The following AFF1 variants were observed in gnomAD, a reference collection of about 807,000 sequenced individuals.
The protein encoded by AFF1 is ALF transcription elongation factor 1.
AFF1 carries 48 observed loss-of-function variants against 121.7 expected under a neutral mutation model. The ratio of observed to expected loss-of-function variants is 0.39; its 90% CI spans 0.31 to 0.50. AFF1 has a LOEUF of 0.50. AFF1 is among the 20% of genes least tolerant of loss of function. The probability of loss-of-function intolerance (pLI) is 0.76; values close to 1 mark genes in which losing one functional copy is unlikely to be tolerated. For synonymous variants in AFF1, 613 were observed against 563.0 expected (o/e 1.09, Z -1.26); for missense variants, 1,523 against 1,511.7 (o/e 1.01, Z -0.12).
intron 1 of AFF1, among the ~76,000 whole-genome samples, chr4:86,947,012 G>C (rs1173218172): frequency 6.6e-6 from 1 of 152,160 alleles, no homozygotes; most frequent in African/African-American, 2.4e-5. Context: ...CACTTACTGT[G>C]TGCCAGCCCT....
intron 2 of AFF1, among the ~76,000 whole-genome samples, chr4:86,994,611 A>C (rs906824556): frequency 2.3e-4 from 35 of 152,306 alleles, no homozygotes; most frequent in African/African-American, 7.7e-4. Context: ...CAAACAAGCA[A>C]ACACTCCCCT....
At chr4:87,112,725 C>T (rs961252758) in intron 11 of AFF1, among the ~76,000 whole-genome samples, 5 of 152,208 alleles carry the variant, frequency 3.3e-5, no homozygotes, top group Non-Finnish European at 5.9e-5. Flanking sequence ...GAGTGTTCTC[C>T]TTATCTATAA....
At position 87,047,194 on chromosome 4, in the gene AFF1, C is replaced by T. The variant is rs1183891798; in HGVS notation, c.659C>T (p.Pro220Leu). Residue 220 changes from proline (P) to leucine (L), a missense_variant, in exon 4 of 21, where the codon CCT (proline) becomes CTT (leucine). Physicochemically the swap from Pro to Leu is moderately conservative, Grantham distance 98. This residue lies in a region of AFF1 where 369 missense variants were observed against 367.2 expected (regional missense o/e 1.00). Coordinates refer to ENST00000395146, the MANE Select transcript of AFF1 (RefSeq NM_001166693.3). ...CCTTCCCCAGTTCCCCCTTTGTCAC[C>T]TATACATTCCAACCAGCAAACTCTT... The part of the protein sequence containing the change: ...SLPSPVPPLS[P>L]IHSNQQTLPR... 1 of 1,614,054 alleles carries T rather than the reference C, an allele frequency of 6.2e-7. No individual in the cohort carries two copies. Among genetic ancestry groups the T allele is most frequent in the Non-Finnish European group, 8.5e-7 (1 of 1,180,034 alleles).
In AFF1 at chr4:87,046,744, A is replaced by G; in HGVS notation, c.209A>G (p.Asn70Ser). The G allele has an allele frequency of 6.2e-7, 1 of 1,614,206 alleles. No homozygotes were observed. Among genetic ancestry groups the G allele is most frequent in the Non-Finnish European group, 8.5e-7 (1 of 1,180,028 alleles). Residue 70 changes from asparagine to serine, a missense_variant, in exon 4 of 21, where the codon AAC becomes AGC. Transcript: ENST00000395146. ...AGTCGAATACAGAACATGTTGGGAA[A>G]CTACGAAGAAGTGAAGGAGTTCCTT... The part of the protein sequence containing the change: ...LSSRIQNMLG[N>S]YEEVKEFLST...
chr4:86,953,838 G>A (rs1721551545), intron 2 of AFF1, among the ~76,000 whole-genome samples: 1 of 150,276 alleles, frequency 6.7e-6, no homozygotes, highest in African/African-American at 2.4e-5. Flanking sequence ...TCCTGCTTCA[G>A]CCTCCCGAGT....
intron 4 of AFF1, among the ~76,000 whole-genome samples, chr4:87,078,282 T>TG (rs1240439984): frequency 3.3e-5 from 5 of 152,204 alleles, no homozygotes; most frequent in Admixed American, 1.3e-4. Context: ...ATTAAGGTGT[T>TG]GCTTTATAAT....
At chr4:87,122,419 T>G (rs150980383) in intron 12 of AFF1, among the ~76,000 whole-genome samples, 1,582 of 152,300 alleles carry the variant, frequency 0.01, 20 homozygotes, top group African/African-American at 0.036. Flanking sequence ...GAACGGAGGT[T>G]TGTATGCTGC....
At chr4:87,080,578 G>C (rs1286482940) in intron 4 of AFF1, among the ~76,000 whole-genome samples, 2 of 152,214 alleles carry the variant, frequency 1.3e-5, no homozygotes, top group African/African-American at 2.4e-5. Flanking sequence ...CACACCTGTA[G>C]TTCCAGCTAC....
At chr4:87,064,502 G>T (rs1338291133) in intron 4 of AFF1, among the ~76,000 whole-genome samples, 2 of 152,322 alleles carry the variant, frequency 1.3e-5, no homozygotes, top group African/African-American at 4.8e-5. Context: ...AACACTTTGG[G>T]AAGCCGAGGC....
intron 2 of AFF1, among the ~76,000 whole-genome samples, chr4:87,013,818 T>C (rs79231725): frequency 0.044 from 6,764 of 152,124 alleles, 488 homozygotes; most frequent in African/African-American, 0.15. Flanking sequence ...TGCTTGTTAG[T>C]ATGCAGATTC....
intron 2 of AFF1, among the ~76,000 whole-genome samples, chr4:86,979,782 G>A (rs1159533848): frequency 6.6e-6 from 1 of 152,158 alleles, no homozygotes; most frequent in Non-Finnish European, 1.5e-5. Flanking sequence ...AAGATACTGT[G>A]CTTACATACA....
At chr4:87,017,101 GTT>G (rs66466780) in intron 2 of AFF1, among the ~76,000 whole-genome samples, 40,157 of 106,516 alleles carry the variant, frequency 0.38, 7,080 homozygotes, top group Middle Eastern at 0.5. Flanking sequence ...ATATATATGT[GTT>G]TTTTTTTTTT....
intron 12 of AFF1, among the ~76,000 whole-genome samples, chr4:87,118,139 G>C (rs1213969043): frequency 6.6e-6 from 1 of 152,210 alleles, no homozygotes; most frequent in Non-Finnish European, 1.5e-5. Flanking sequence ...AGGCCTCTTA[G>C]AGTCTGTCCC....
rs373189102 is a variant in AFF1 at position 86,985,168 on chromosome 4, A to AT, written c.38+36598dup. Among the ~76,000 whole-genome samples, 72 of 102,286 alleles carry AT rather than the reference A, an allele frequency of 7.0e-4. 1 individual carries two copies. The highest frequency in any genetic ancestry group is 2.6e-3 in the African/African-American group (62 of 24,048). 67.1% of individuals were successfully genotyped at this position (102,286 alleles called of 152,430 possible). A position where few individuals can be genotyped will look rare whatever the true frequency, so the allele number is the denominator to read the frequency against. On this transcript the variant is annotated intron_variant, in intron 2 of 20. Coordinates refer to ENST00000395146, the MANE Select transcript of AFF1 (RefSeq NM_001166693.3). Reference sequence around the variant, plus strand: ...CATAATATATAAAAATATAATATATATAATATGTATTACTATATATATATA... The same window carrying AT: ...CATAATATATAAAAATATAATATATATTAATATGTATTACTATATATATATA...
chr4:86,951,615 CTTTTTTTCTTT>C (rs1238640206), intron 2 of AFF1, among the ~76,000 whole-genome samples: 53 of 124,970 alleles, frequency 4.2e-4, no homozygotes, highest in African/African-American at 1.3e-3. Flanking sequence ...TTTCTTTTTT[CTTTTTTTCTTT>C]TTTTTTTTTT....
chr4:87,118,573 GGCATA>G (rs1727354665), intron 12 of AFF1, among the ~76,000 whole-genome samples: 2 of 152,076 alleles, frequency 1.3e-5, no homozygotes, highest in Non-Finnish European at 2.9e-5. Flanking sequence ...GGAATGCAGT[GGCATA>G]GCTCACCAAC....
At chr4:87,041,925 G>C (rs1483896786) in intron 2 of AFF1, among the ~76,000 whole-genome samples, 1 of 150,986 alleles carries the variant, frequency 6.6e-6, no homozygotes, top group Non-Finnish European at 1.5e-5. Context: ...TGAGACAGGA[G>C]AATCACTTGA....
intron 2 of AFF1, among the ~76,000 whole-genome samples, chr4:86,963,963 G>GTTTTTTTTT (rs3035477): frequency 0.063 from 6,515 of 103,552 alleles, 261 homozygotes; most frequent in Non-Finnish European, 0.081. Flanking sequence ...GACTAGACTG[G>GTTTTTTTTT]TTTTTTTTTT....
In AFF1 at chr4:86,949,573, G is replaced by A. The variant is rs1257736460; in HGVS notation, c.38+1002G>A. 8.4e-6 allele frequency: 8 copies of A among 948,428 alleles called. No individual in the cohort carries two copies. The East Asian group carries it at 1.1e-4, about 13-fold the overall frequency. 58.8% of individuals were successfully genotyped at this position (948,428 alleles called of 1,614,324 possible). A position where few individuals can be genotyped will look rare whatever the true frequency, so the allele number is the denominator to read the frequency against. On this transcript the variant is annotated intron_variant, in intron 2 of 20. Coordinates refer to ENST00000395146, the MANE Select transcript of AFF1 (RefSeq NM_001166693.3). ...TTTTTTTTTCCCGACTGGGGCAGGC[G>A]GGCTTTATTCCGGGTGCTGGAGAGC...
Sources: gnomAD v4.1 joint callset for allele counts (sites outside exome capture counted in the v4.1 genomes callset) on GRCh38, gnomAD v4.1.1 for gene constraint, gnomAD v4.1.1 regional missense constraint, MANE v1.5 for transcripts, NCBI Gene and HGNC (gene_info 2026-07-23, HGNC 2026-07-21) for gene names.